Variants in NTNG2 observed in about 807,000 individuals in gnomAD.
NTNG2 encodes netrin-G2.
In NTNG2, 15 loss-of-function variants were observed where a neutral mutation model predicts 47.6. That is an observed-to-expected ratio of 0.32 (90% CI 0.21 to 0.49). The LOEUF is 0.49. Ranked by LOEUF, NTNG2 falls within the 20% of genes least tolerant of loss-of-function variation. The probability of loss-of-function intolerance (pLI) is 0.99; values close to 1 mark genes in which losing one functional copy is unlikely to be tolerated. For synonymous variants in NTNG2, 307 were observed against 324.6 expected (o/e 0.95, Z 0.58); for missense variants, 578 against 764.6 (o/e 0.76, Z 2.88).
chr9:132,213,331 CAAAAAAAAA>C (rs61393543), intron 3 of NTNG2, among the ~76,000 whole-genome samples: 1 of 104,374 alleles, frequency 9.6e-6, no homozygotes, highest in East Asian at 3.0e-4. Context: ...GACTCCATCT[CAAAAAAAAA>C]AAAAAAAAAA....
Position 132,179,516 on chromosome 9 carries a change from G to A in NTNG2, c.213+12472G>A, listed in dbSNP as rs973627597. Among the ~76,000 whole-genome samples the A allele has an allele frequency of 2.0e-5, 3 of 152,328 alleles. No homozygotes were observed. In the South Asian group the frequency reaches 6.2e-4, roughly 32 times the overall value. ...GGCAAGGCCGGGTAGGATGGTGGCT[G>A]GAATGCTGGCGATCGCAGCAATGCC... On this transcript the variant is annotated intron_variant, in intron 2 of 7. Transcript: ENST00000393229.
chr9:132,230,649 G>C, intron 5 of NTNG2, 54 bp downstream of exon 5: 1 of 1,583,992 alleles, frequency 6.3e-7, no homozygotes, highest in South Asian at 1.1e-5. Flanking sequence ...GAGCCTCTTT[G>C]CATGTCCTGG....
intron 2 of NTNG2, among the ~76,000 whole-genome samples, chr9:132,188,393 C>T (rs1461649556): frequency 6.6e-6 from 1 of 152,252 alleles, no homozygotes; most frequent in Non-Finnish European, 1.5e-5. Flanking sequence ...CAACAGCGTC[C>T]TTTCCCTTTT....
chr9:132,221,219 G>C lies in NTNG2; in HGVS notation c.858-5630G>C, dbSNP rs1203759783. ...CCTCTAAATATTAGCTCTAGGAGAA[G>C]GGGCAGAGCCTGTAGTACATTCCAG... On this transcript the variant is annotated intron_variant, in intron 3 of 7. Coordinates refer to ENST00000393229, the MANE Select transcript of NTNG2 (RefSeq NM_032536.4). This position sits in a 1 kb window ranked among gnomAD's most constrained non-coding sequence, Gnocchi z 4.2. 6.6e-6 allele frequency among the ~76,000 whole-genome samples: 1 copy of C among 152,168 alleles called. No homozygotes were observed. The highest frequency in any genetic ancestry group is 2.4e-5 in the African/African-American group (1 of 41,432).
At chr9:132,173,123 G>A (rs1227711579) in intron 2 of NTNG2, among the ~76,000 whole-genome samples, 2 of 152,176 alleles carry the variant, frequency 1.3e-5, no homozygotes, top group Non-Finnish European at 2.9e-5. Context: ...CTGTTCTGTG[G>A]GATTTGCGAT....
intron 2 of NTNG2, among the ~76,000 whole-genome samples, chr9:132,195,930 C>T (rs1377710378): frequency 1.3e-5 from 2 of 151,936 alleles, no homozygotes; most frequent in South Asian, 2.1e-4. Context: ...CCACACCACA[C>T]CCAGTTTATT....
intron 4 of NTNG2, among the ~76,000 whole-genome samples, chr9:132,230,317 G>A (rs538603867): frequency 2.0e-5 from 3 of 152,370 alleles, no homozygotes; most frequent in Admixed American, 2.0e-4. Context: ...CTGAGATTCA[G>A]TGTCTCCTTC....
At position 132,243,931 on chromosome 9, in the gene NTNG2, G is replaced by T. The variant is rs989964691; in HGVS notation, c.*1820G>T. The T allele has an allele frequency of 6.6e-6, 1 of 152,498 alleles. No homozygotes were observed. Among genetic ancestry groups the T allele is most frequent in the Non-Finnish European group, 1.5e-5 (1 of 68,174 alleles). 9.4% of individuals were successfully genotyped at this position (152,498 alleles called of 1,614,324 possible). On this transcript the variant is annotated 3_prime_UTR_variant, in exon 8 of 8. Coordinates refer to ENST00000393229, the MANE Select transcript of NTNG2 (RefSeq NM_032536.4). ...CCGACAGGCCCTGCATCCTCCTGCAGCTGGCCCATCTCTACCCTCACATTC... is the reference window on the plus strand; with the variant it reads ...CCGACAGGCCCTGCATCCTCCTGCATCTGGCCCATCTCTACCCTCACATTC...
At chr9:132,187,134 C>T (rs1291499097) in intron 2 of NTNG2, among the ~76,000 whole-genome samples, 6 of 152,252 alleles carry the variant, frequency 3.9e-5, no homozygotes, top group Admixed American at 6.5e-5. Context: ...TGGACCTGTG[C>T]CCAGGCCATG....
rs1835098964 is a variant in NTNG2, at chr9:132,162,380, C to T, written c.-484+141C>T. The T allele has an allele frequency of 6.6e-6, 1 of 152,312 alleles. No individual in the cohort carries two copies. The highest frequency in any genetic ancestry group is 1.5e-5 in the Non-Finnish European group (1 of 68,164). 9.4% of individuals were successfully genotyped at this position (152,312 alleles called of 1,614,324 possible). On this transcript the variant is annotated intron_variant, in intron 1 of 7. Transcript: ENST00000393229. This position sits in a 1 kb window ranked among gnomAD's most constrained non-coding sequence, Gnocchi z 4.6. ...GCCACTTACAGCGGCCCGGCAAAGGCTCGGATGCAAAAGTTGTTTGGTGGC... is the reference window on the plus strand; with the variant it reads ...GCCACTTACAGCGGCCCGGCAAAGGTTCGGATGCAAAAGTTGTTTGGTGGC...
intron 2 of NTNG2, among the ~76,000 whole-genome samples, chr9:132,171,291 AG>A (rs1408762815): frequency 6.6e-6 from 1 of 152,290 alleles, no homozygotes; most frequent in East Asian, 1.9e-4. Flanking sequence ...TATCTGTAAA[AG>A]GGGTATGATC....
intron 5 of NTNG2, chr9:132,233,598 A>G (rs576357350): frequency 2.6e-5 from 4 of 152,120 alleles, no homozygotes; most frequent in African/African-American, 9.7e-5. Flanking sequence ...GGTGGCTCCA[A>G]TGTGACAGCC....
In NTNG2 at chr9:132,180,227, C is replaced by T. The variant is rs1836825737; in HGVS notation, c.213+13183C>T. On this transcript the variant is annotated intron_variant, in intron 2 of 7. Coordinates refer to ENST00000393229, the MANE Select transcript of NTNG2 (RefSeq NM_032536.4). The surrounding 1 kb of genome is among the most constrained non-coding windows in gnomAD (Gnocchi z 4.2). ...ACACGACCAGGCATTTTCCCTTGGC[C>T]GAAGCAGAAGTCTGCTGTCGGGCAA... is the stretch of plus-strand genomic sequence containing the variant. Among the ~76,000 whole-genome samples, 1 of 152,192 alleles carries T rather than the reference C, an allele frequency of 6.6e-6. No individual in the cohort carries two copies. The highest frequency in any genetic ancestry group is 1.5e-5 in the Non-Finnish European group (1 of 68,026).
At chr9:132,202,394 AG>A (rs1284984023) in intron 3 of NTNG2, among the ~76,000 whole-genome samples, 1 of 152,114 alleles carries the variant, frequency 6.6e-6, no homozygotes, top group Admixed American at 6.5e-5. Flanking sequence ...ACTGAGCTGC[AG>A]CCCCACAGGG....
In NTNG2 at chr9:132,221,312, T is replaced by A. The variant is rs1394537457; in HGVS notation, c.858-5537T>A. Among the ~76,000 whole-genome samples the A allele has an allele frequency of 6.6e-6, 1 of 151,550 alleles. No individual in the cohort carries two copies. The highest frequency in any genetic ancestry group is 6.6e-5 in the Admixed American group (1 of 15,216). ...TCAGAACATCTGCTGGACAGAGACA[T>A]GGAGAGAGAGACAAAGAGACAGGAG... On this transcript the variant is annotated intron_variant, in intron 3 of 7. Transcript: ENST00000393229. This position sits in a 1 kb window ranked among gnomAD's most constrained non-coding sequence, Gnocchi z 4.2.
chr9:132,219,074 G>A (rs762966366), intron 3 of NTNG2, among the ~76,000 whole-genome samples: 4 of 152,070 alleles, frequency 2.6e-5, no homozygotes, highest in Non-Finnish European at 5.9e-5. Flanking sequence ...CACTCTGGCC[G>A]GGTGTGGTGG....
intron 2 of NTNG2, among the ~76,000 whole-genome samples, chr9:132,192,709 A>G (rs1381072047): frequency 6.6e-6 from 1 of 152,182 alleles, no homozygotes; most frequent in Non-Finnish European, 1.5e-5. Context: ...GATGCTCCAC[A>G]CTCCTGACCA....
intron 4 of NTNG2, 147 bp from the exon 5 acceptor site, chr9:132,230,425 A>C: frequency 1.4e-6 from 1 of 704,610 alleles, no homozygotes; most frequent in African/African-American, 1.8e-5. Flanking sequence ...GGTCATCATG[A>C]TTGCTAGCAG....
Position 132,163,852 on chromosome 9 carries a change from A to G in NTNG2, c.-484+1613A>G, listed in dbSNP as rs1300565096. 2.0e-5 allele frequency among the ~76,000 whole-genome samples: 3 copies of G among 152,266 alleles called. No homozygotes were observed. The highest frequency in any genetic ancestry group is 4.4e-5 in the Non-Finnish European group (3 of 68,036). ...ATTTTCGAGTTTTAATACCCTGGCT[A>G]TCAGCCCCCCTTGGTTCCTGAGGAC... On this transcript the variant is annotated intron_variant, in intron 1 of 7. Coordinates refer to ENST00000393229, the MANE Select transcript of NTNG2 (RefSeq NM_032536.4). The surrounding 1 kb of genome is among the most constrained non-coding windows in gnomAD (Gnocchi z 7.2).
Sources: gnomAD v4.1 joint callset for allele counts (sites outside exome capture counted in the v4.1 genomes callset) on GRCh38, gnomAD v4.1.1 for gene constraint, Gnocchi (gnomAD v3.1) non-coding constraint, MANE v1.5 for transcripts, NCBI Gene and HGNC (gene_info 2026-07-23, HGNC 2026-07-21) for gene names.